The following CABLES1 variants were observed in gnomAD, a reference collection of about 807,000 sequenced individuals.
CABLES1 encodes Cdk5 and Abl enzyme substrate 1.
Under a neutral mutation model 57.8 loss-of-function variants are expected in CABLES1, and 36 were observed. That is an observed-to-expected ratio of 0.62 (90% CI 0.48 to 0.82). CABLES1 has a LOEUF of 0.82. CABLES1 is among the 40% of genes least tolerant of loss of function. The pLI, the probability that CABLES1 is intolerant of heterozygous loss-of-function variation, is 0.00. For synonymous variants in CABLES1, 374 were observed against 363.0 expected, an observed-to-expected ratio of 1.03 and a Z score of -0.35; for missense variants, 767 against 836.6, an observed-to-expected ratio of 0.92 and a Z score of 1.03.
intron 7 of CABLES1, among the ~76,000 whole-genome samples, chr18:23,242,434 G>A (rs1598858240): frequency 6.6e-6 from 1 of 152,208 alleles, no homozygotes; most frequent in Non-Finnish European, 1.5e-5. Context: ...TCAGGGGAGG[G>A]CGGATGCTTC....
At chr18:23,147,976 C>T (rs1268356402) in intron 1 of CABLES1, among the ~76,000 whole-genome samples, 2 of 135,584 alleles carry the variant, frequency 1.5e-5, no homozygotes, top group Non-Finnish European at 3.1e-5. Context: ...CCTGCTTGGC[C>T]TCCTTTTTTT....
rs1198710321 is a variant in CABLES1, at chr18:23,245,821, C to T, written c.1447-7139C>T. On this transcript the variant is annotated intron_variant, in intron 7 of 9. Coordinates refer to ENST00000256925, the MANE Select transcript of CABLES1 (RefSeq NM_001100619.3). ...TCGACAGTGCATTCAAGTGACCTCT[C>T]GCTCCATGAGCGGAATGAGCACCCT... Among the ~76,000 whole-genome samples the T allele has an allele frequency of 2.6e-5, 4 of 152,242 alleles. 1 individual carries two copies. Among genetic ancestry groups the T allele is most frequent in the Admixed American group, 1.3e-4 (2 of 15,288 alleles).
At chr18:23,246,602 A>T (rs375686556) in intron 7 of CABLES1, among the ~76,000 whole-genome samples, 1 of 151,854 alleles carries the variant, frequency 6.6e-6, no homozygotes, top group African/African-American at 2.4e-5. Flanking sequence ...CGTGTTAGCC[A>T]GGATGGTCTC....
At chr18:23,170,064 C>T (rs956883603) in intron 1 of CABLES1, among the ~76,000 whole-genome samples, 1 of 152,146 alleles carries the variant, frequency 6.6e-6, no homozygotes, top group Non-Finnish European at 1.5e-5. Context: ...GACTGCTGTC[C>T]TTCTAAGAGC....
intron 1 of CABLES1, among the ~76,000 whole-genome samples, chr18:23,164,420 A>T (rs1032016273): frequency 2.0e-5 from 3 of 150,972 alleles, no homozygotes; most frequent in African/African-American, 7.3e-5. Context: ...AGGGCCACGT[A>T]TAGGCACACC....
chr18:23,219,041 AT>A (rs2047466046), intron 4 of CABLES1: 14 of 376,200 alleles, frequency 3.7e-5, no homozygotes, highest in South Asian at 2.7e-4. Context: ...AAATTTCTTT[AT>A]CCCCACCCCC....
Position 23,198,285 on chromosome 18 carries a change from T to C in CABLES1, c.1010+3745T>C, listed in dbSNP as rs934490. On this transcript the variant is annotated intron_variant, in intron 3 of 9. Transcript: ENST00000256925. Reference sequence around the variant, plus strand: ...AAAACAAAAACCCAAAATATAAACATGCTTTGTTTCATTAACTCAAAACTC... The same window carrying C: ...AAAACAAAAACCCAAAATATAAACACGCTTTGTTTCATTAACTCAAAACTC... 5.8e-3 allele frequency among the ~76,000 whole-genome samples: 878 copies of C among 152,188 alleles called. 29 individuals carry two copies. Among genetic ancestry groups the C allele is most frequent in the Admixed American group, 0.041 (630 of 15,274 alleles).
chr18:23,184,236 GA>G (rs2145009130), intron 1 of CABLES1, among the ~76,000 whole-genome samples: 1 of 151,996 alleles, frequency 6.6e-6, no homozygotes, highest in East Asian at 1.9e-4. Flanking sequence ...TTTGGGCGTG[GA>G]TTTTTTCCCC....
At chr18:23,205,093 AG>A in intron 3 of CABLES1, among the ~76,000 whole-genome samples, 1 of 151,788 alleles carries the variant, frequency 6.6e-6, no homozygotes, top group Non-Finnish European at 1.5e-5. Context: ...CAGATGACTC[AG>A]GGCTGGACCA....
At chr18:23,244,117 C>T (rs2047815189) in intron 7 of CABLES1, among the ~76,000 whole-genome samples, 1 of 152,236 alleles carries the variant, frequency 6.6e-6, no homozygotes, top group African/African-American at 2.4e-5. Context: ...GCCACTGTTT[C>T]AGCAGCTTGC....
chr18:23,193,190 C>CTTTTTT (rs1473686167), intron 2 of CABLES1, among the ~76,000 whole-genome samples: 1 of 138,420 alleles, frequency 7.2e-6, no homozygotes, highest in Admixed American at 8.0e-5. Context: ...TTAAAAGAAT[C>CTTTTTT]TTTCTTTTTT....
intron 1 of CABLES1, among the ~76,000 whole-genome samples, chr18:23,159,382 A>T (rs565559234): frequency 2.6e-5 from 4 of 152,232 alleles, no homozygotes; most frequent in Admixed American, 2.6e-4. Flanking sequence ...TGTTGTCTTC[A>T]TATTAAGCTT....
chr18:23,228,456 G>A (rs1342790320), intron 4 of CABLES1, among the ~76,000 whole-genome samples: 2 of 152,068 alleles, frequency 1.3e-5, no homozygotes, highest in Non-Finnish European at 2.9e-5. Context: ...CCAAAACTAA[G>A]ACAGGGGTCC....
intron 4 of CABLES1, among the ~76,000 whole-genome samples, chr18:23,215,126 C>T (rs2047432521): frequency 6.6e-6 from 1 of 152,188 alleles, no homozygotes; most frequent in African/African-American, 2.4e-5. Flanking sequence ...TTGAGCTCGT[C>T]TTTTTCATTA....
At chr18:23,242,540 G>A (rs2047762342) in intron 7 of CABLES1, among the ~76,000 whole-genome samples, 1 of 152,140 alleles carries the variant, frequency 6.6e-6, no homozygotes, top group African/African-American at 2.4e-5. Flanking sequence ...GTGGGTTTTT[G>A]TGTTTTTTTC....
At chr18:23,140,121 G>T (rs1236379469) in intron 1 of CABLES1, among the ~76,000 whole-genome samples, 1 of 152,228 alleles carries the variant, frequency 6.6e-6, no homozygotes, top group African/African-American at 2.4e-5. Flanking sequence ...AGTGTCAGAG[G>T]TGGGAAACCA....
chr18:23,164,284 C>G (rs758666559), intron 1 of CABLES1, among the ~76,000 whole-genome samples: 1 of 152,198 alleles, frequency 6.6e-6, no homozygotes, highest in Non-Finnish European at 1.5e-5. Flanking sequence ...TGTTGTCATC[C>G]GGAGCCAGTG....
At chr18:23,212,276 G>A (rs2047410475) in intron 3 of CABLES1, among the ~76,000 whole-genome samples, 3 of 152,230 alleles carry the variant, frequency 2.0e-5, no homozygotes, top group African/African-American at 7.2e-5. Flanking sequence ...TTTGCCAGCT[G>A]CTCTTCTGAG....
chr18:23,182,484 G>C (rs142547031), intron 1 of CABLES1, among the ~76,000 whole-genome samples: 19 of 152,266 alleles, frequency 1.2e-4, no homozygotes, highest in African/African-American at 4.1e-4. Flanking sequence ...GGACTCAACT[G>C]TACTTCTCAC....
Sources: gnomAD v4.1 joint callset for allele counts (sites outside exome capture counted in the v4.1 genomes callset) on GRCh38, gnomAD v4.1.1 for gene constraint, MANE v1.5 for transcripts, NCBI Gene and HGNC (gene_info 2026-07-23, HGNC 2026-07-21) for gene names.